The following ADARB2 variants were observed in gnomAD, a reference collection of about 807,000 sequenced individuals.
ADARB2 encodes adenosine deaminase RNA specific B2 (inactive).
A neutral mutation model predicts 62.2 loss-of-function variants in ADARB2; 25 were observed. The ratio of observed to expected loss-of-function variants is 0.40; its 90% CI spans 0.29 to 0.56. The LOEUF (loss-of-function observed/expected upper bound fraction) is 0.56. ADARB2 is among the 20% of genes least tolerant of loss of function. The probability of loss-of-function intolerance (pLI) is 0.43; values close to 1 mark genes in which losing one functional copy is unlikely to be tolerated. For missense variants in ADARB2, 1,071 were observed against 1,077.4 expected (o/e 0.99, Z 0.08); for synonymous variants, 572 against 500.8 (o/e 1.14, Z -1.90).
intron 1 of ADARB2, among the ~76,000 whole-genome samples, chr10:1,434,623 G>C (rs902393441): frequency 6.6e-6 from 1 of 152,080 alleles, no homozygotes; most frequent in African/African-American, 2.4e-5. Flanking sequence ...TTTTACTGGG[G>C]GTCTGAAGAA....
At chr10:1,735,894 G>A (rs1034049581) in intron 1 of ADARB2, among the ~76,000 whole-genome samples, 2 of 152,188 alleles carry the variant, frequency 1.3e-5, no homozygotes, top group Admixed American at 6.5e-5. Flanking sequence ...AAAGGACCTG[G>A]TGACGGTTCG....
intron 1 of ADARB2, among the ~76,000 whole-genome samples, chr10:1,533,784 C>T (rs1331129795): frequency 1.3e-5 from 2 of 152,112 alleles, no homozygotes; most frequent in East Asian, 3.9e-4. Flanking sequence ...TATGAAATGC[C>T]CAGACAAGTC....
intron 1 of ADARB2, among the ~76,000 whole-genome samples, chr10:1,574,830 G>C (rs2131995386): frequency 6.6e-6 from 1 of 152,282 alleles, no homozygotes; most frequent in Middle Eastern, 3.4e-3. Flanking sequence ...GCCTGGAAGA[G>C]GCAGCTATTT....
At position 1,332,082 on chromosome 10, in the gene ADARB2, G is replaced by A. The variant is rs148472933; in HGVS notation, c.1077+30946C>T. 2.0e-3 allele frequency among the ~76,000 whole-genome samples: 308 copies of A among 152,314 alleles called. 2 individuals are homozygous for A. Among genetic ancestry groups the A allele is most frequent in the African/African-American group, 7.1e-3 (297 of 41,574 alleles). On this transcript the variant is annotated intron_variant, in intron 3 of 9. Transcript: ENST00000381312. ...TCAGTCATATTCATCCGAAGAAGTC[G>A]AAGTCTTAAATCTGCAAAGCAGGCA...
intron 1 of ADARB2, among the ~76,000 whole-genome samples, chr10:1,656,721 T>A (rs1834176428): frequency 6.6e-6 from 1 of 152,236 alleles, no homozygotes; most frequent in Non-Finnish European, 1.5e-5. Context: ...TGACTAGAAC[T>A]GACTTCTTTA....
At chr10:1,509,298 T>C (rs985086957) in intron 1 of ADARB2, among the ~76,000 whole-genome samples, 5 of 152,220 alleles carry the variant, frequency 3.3e-5, no homozygotes, top group Admixed American at 2.0e-4. Context: ...ATTACCAAGC[T>C]TGATAAACCA....
intron 6 of ADARB2, among the ~76,000 whole-genome samples, chr10:1,220,096 ATGGTGGTGG>A (rs374892964): frequency 2.5e-5 from 3 of 118,490 alleles, no homozygotes; most frequent in Non-Finnish European, 3.5e-5. Flanking sequence ...GGTAATGGTG[ATGGTGGTGG>A]TGGTGATGAT....
At chr10:1,194,612 T>G (rs143498537) in intron 8 of ADARB2, among the ~76,000 whole-genome samples, 202 of 152,382 alleles carry the variant, frequency 1.3e-3, no homozygotes, top group South Asian at 4.6e-3. Flanking sequence ...TGCTGCATTC[T>G]GGATGTTTTC....
chr10:1,363,061 C>A lies in ADARB2; in HGVS notation c.1044G>T (p.Ala348=), dbSNP rs1832275561. The A allele has an allele frequency of 1.4e-6, 2 of 1,445,794 alleles. No homozygotes were observed. The highest frequency in any genetic ancestry group is 1.8e-6 in the Non-Finnish European group (2 of 1,101,234). 89.6% of individuals were successfully genotyped at this position (1,445,794 alleles called of 1,614,324 possible). A position where few individuals can be genotyped will look rare whatever the true frequency, so the allele number is the denominator to read the frequency against. Residue 348 remains alanine (A), a synonymous_variant, in exon 3 of 10, where the codon GCG becomes GCT. Coordinates refer to ENST00000381312, the MANE Select transcript of ADARB2 (RefSeq NM_018702.4). The part of the protein sequence containing the change: ...ELFDIQMPGH[A]PGRARRTPMP... ...TTGGCGTCCTCCTGGCCCTGCCGGG[C>A]GCGTGGCCGGGCATCTGGATGTCGA... is the stretch of plus-strand genomic sequence containing the variant.
At chr10:1,599,245 A>C (rs1833377653) in intron 1 of ADARB2, among the ~76,000 whole-genome samples, 1 of 152,218 alleles carries the variant, frequency 6.6e-6, no homozygotes, top group South Asian at 2.1e-4. Flanking sequence ...AAAGATGGAA[A>C]GGCCGTGGAG....
chr10:1,549,534 T>A (rs1832582245), intron 1 of ADARB2, among the ~76,000 whole-genome samples: 1 of 151,972 alleles, frequency 6.6e-6, no homozygotes, highest in South Asian at 2.1e-4. Context: ...GTCCTGATTG[T>A]GCTAAGAGAA....
At chr10:1,293,410 T>G (rs1193596879) in intron 3 of ADARB2, among the ~76,000 whole-genome samples, 4 of 59,920 alleles carry the variant, frequency 6.7e-5, no homozygotes, top group African/African-American at 1.9e-4. Context: ...CTTCATGTGG[T>G]CTGTTTTAGC....
intron 3 of ADARB2, among the ~76,000 whole-genome samples, chr10:1,334,004 TCAGA>T (rs1479556084): frequency 1.3e-5 from 2 of 152,232 alleles, no homozygotes; most frequent in African/African-American, 4.8e-5. Context: ...GGCAGGTTAC[TCAGA>T]CAGGCCGGAA....
chr10:1,382,784 C>A (rs1247300106), intron 1 of ADARB2, among the ~76,000 whole-genome samples: 1 of 151,660 alleles, frequency 6.6e-6, no homozygotes, highest in Non-Finnish European at 1.5e-5. Context: ...CCCCACGCTA[C>A]CGCCGCCTCC....
At chr10:1,219,588 A>G (rs934649911) in intron 6 of ADARB2, among the ~76,000 whole-genome samples, 2 of 152,242 alleles carry the variant, frequency 1.3e-5, no homozygotes, top group African/African-American at 4.8e-5. Context: ...GAGCCTGGGC[A>G]GGCACAGCAA....
chr10:1,207,068 C>T (rs541545042), intron 7 of ADARB2, among the ~76,000 whole-genome samples: 11 of 152,276 alleles, frequency 7.2e-5, no homozygotes, highest in South Asian at 6.2e-4. Context: ...CACTTAAGGC[C>T]GGGCGCGGTG....
At chr10:1,448,540 G>T (rs1285096806) in intron 1 of ADARB2, among the ~76,000 whole-genome samples, 4 of 152,192 alleles carry the variant, frequency 2.6e-5, no homozygotes, top group Admixed American at 2.6e-4. Flanking sequence ...AGATTGCCAT[G>T]CTTCTCTCAG....
chr10:1,363,479 C>G lies in ADARB2; in HGVS notation c.626G>C (p.Gly209Ala). 9 of 1,493,338 alleles carry G rather than the reference C, an allele frequency of 6.0e-6. No individual in the cohort carries two copies. Among genetic ancestry groups the G allele is most frequent in the Non-Finnish European group, 8.0e-6 (9 of 1,126,092 alleles). The allele number at this position is 1,493,338 out of a possible 1,614,324, so 92.5% of individuals were successfully genotyped here. A position where few individuals can be genotyped will look rare whatever the true frequency, so the allele number is the denominator to read the frequency against. The part of the protein sequence containing the change: ...HLAMGGGPGP[G>A]TDFTSDQADF... ...GGCCTGGTCGGAGGTGAAGTCCGTG[C>G]CGGGGCCCGGGCCCCCGCCCATGGC... The change falls in exon 3 of 10, where the codon GGC becomes GCC. Residue 209 changes from glycine (G) to alanine (A), a missense_variant. By Grantham distance (60) the Gly-to-Ala change is moderately conservative. Transcript: ENST00000381312.
At chr10:1,211,013 C>A (rs988581401) in intron 7 of ADARB2, among the ~76,000 whole-genome samples, 9 of 152,092 alleles carry the variant, frequency 5.9e-5, no homozygotes, top group Admixed American at 1.3e-4. Flanking sequence ...GCCAGCCCAC[C>A]AAGGTGTTGC....
Sources: allele counts gnomAD v4.1 joint callset (sites outside exome capture counted in the v4.1 genomes callset), GRCh38; gene constraint gnomAD v4.1.1; transcripts MANE v1.5; gene names NCBI Gene and HGNC (gene_info 2026-07-23, HGNC 2026-07-21).